The following RANBP3L variants were observed in gnomAD, a reference collection of about 807,000 sequenced individuals.
The protein encoded by RANBP3L is RAN binding protein 3 like, also known as ran-binding protein 3-like.
A neutral mutation model predicts 67.2 loss-of-function variants in RANBP3L; 56 were observed. The observed-to-expected ratio is 0.83, with a 90% CI of 0.67 to 1.04. The LOEUF (loss-of-function observed/expected upper bound fraction) is 1.04, where lower values mean the gene tolerates loss of function less well. Ranked by LOEUF, RANBP3L falls within the 50% of genes least tolerant of loss-of-function variation. The pLI is 0.00. For missense variants in RANBP3L, 496 were observed against 535.5 expected, an observed-to-expected ratio of 0.93 and a Z score of 0.73; for synonymous variants, 164 against 181.4, an observed-to-expected ratio of 0.90 and a Z score of 0.77.
chr5:36,292,389 A>G (rs1320956557), intron 1 of RANBP3L, among the ~76,000 whole-genome samples: 1 of 151,794 alleles, frequency 6.6e-6, no homozygotes, highest in Non-Finnish European at 1.5e-5. Flanking sequence ...TGCTGTGCAG[A>G]AGCTCTTGAG....
chr5:36,298,127 C>A (rs1479680019), intron 1 of RANBP3L, among the ~76,000 whole-genome samples: 1 of 151,638 alleles, frequency 6.6e-6, no homozygotes, highest in Non-Finnish European at 1.5e-5. Flanking sequence ...GGTGAAACCC[C>A]CGTCTCTACT....
At chr5:36,273,201 C>G (rs1750344464) in intron 1 of RANBP3L, among the ~76,000 whole-genome samples, 1 of 152,136 alleles carries the variant, frequency 6.6e-6, no homozygotes, top group African/African-American at 2.4e-5. Flanking sequence ...ATAAATGTGA[C>G]TCTTCTAAAC....
chr5:36,299,532 A>G (rs956008803), intron 1 of RANBP3L, among the ~76,000 whole-genome samples: 5 of 152,132 alleles, frequency 3.3e-5, no homozygotes, highest in Non-Finnish European at 7.4e-5. Context: ...ACATACCCCA[A>G]CACTGCTGAT....
intron 1 of RANBP3L, among the ~76,000 whole-genome samples, chr5:36,289,528 A>G (rs996525162): frequency 6.6e-6 from 1 of 152,138 alleles, no homozygotes; most frequent in Admixed American, 6.5e-5. Context: ...CAATTCATGA[A>G]TTTGGGATGT....
At chr5:36,255,834 A>C (rs1046727126) in intron 10 of RANBP3L, among the ~76,000 whole-genome samples, 3 of 152,032 alleles carry the variant, frequency 2.0e-5, no homozygotes, top group African/African-American at 7.2e-5. Flanking sequence ...TTTCCCATCT[A>C]CCAATTTCCA....
At chr5:36,266,224 C>T (rs1167286887) in intron 4 of RANBP3L, among the ~76,000 whole-genome samples, 3 of 151,992 alleles carry the variant, frequency 2.0e-5, no homozygotes, top group Non-Finnish European at 4.4e-5. Flanking sequence ...GCCCACACTC[C>T]CTGACTTTTT....
rs1749038673 is a variant in RANBP3L at position 36,257,090 on chromosome 5, A to G, written c.773-19T>C. 1 of 1,598,384 alleles carries G rather than the reference A, an allele frequency of 6.3e-7. No individual in the cohort carries two copies. The highest frequency in any genetic ancestry group is 8.5e-7 in the Non-Finnish European group (1 of 1,172,776). On this transcript the variant is annotated intron_variant, in intron 9 of 13. Coordinates refer to ENST00000296604, the MANE Select transcript of RANBP3L (RefSeq NM_145000.5). Reference sequence around the variant, plus strand: ...TCTGTTCCTAAGAGAAAATGGGGAAAAAACACTTAAAAGTCCCCATTTTCT... The same window carrying G: ...TCTGTTCCTAAGAGAAAATGGGGAAGAAACACTTAAAAGTCCCCATTTTCT...
chr5:36,257,336 G>A, intron 9 of RANBP3L, 118 bp downstream of exon 9: 1 of 449,968 alleles, frequency 2.2e-6, no homozygotes, highest in Non-Finnish European at 3.8e-6. Flanking sequence ...TGGATTATTG[G>A]TTTTTTAAAT....
At chr5:36,277,481 T>A (rs888721005) in intron 1 of RANBP3L, among the ~76,000 whole-genome samples, 3 of 130,672 alleles carry the variant, frequency 2.3e-5, no homozygotes, top group Non-Finnish European at 3.3e-5. Flanking sequence ...TGTGTGTGTG[T>A]GAACTATTAT....
chr5:36,251,418 C>G lies in RANBP3L; in HGVS notation c.1249G>C (p.Asp417His). The G allele has an allele frequency of 1.9e-6, 3 of 1,613,300 alleles. No individual in the cohort carries two copies. The highest frequency in any genetic ancestry group is 2.5e-6 in the Non-Finnish European group (3 of 1,179,482). The change falls in exon 13 of 14, where the codon GAT becomes CAT. Residue 417 changes from aspartate to histidine, a missense_variant. Transcript: ENST00000296604. ...VALQSFNKQR[D>H]VNQAESLSET... ...GACAGGCTTTCAGCTTGATTGACAT[C>G]TCTCTGCTTATTGAAGCTTTGAAGT...
chr5:36,294,305 A>C (rs1752030861), intron 1 of RANBP3L, among the ~76,000 whole-genome samples: 1 of 151,530 alleles, frequency 6.6e-6, no homozygotes. Flanking sequence ...TTTCTTTATT[A>C]GTCTTGCTAG....
chr5:36,259,875 A>G (rs16900022), intron 8 of RANBP3L, among the ~76,000 whole-genome samples: 2,522 of 152,290 alleles, frequency 0.017, 85 homozygotes, highest in African/African-American at 0.058. Context: ...TGTGGGGATC[A>G]GAGAAGCAGT....
At chr5:36,257,884 G>A (rs138133154) in intron 8 of RANBP3L, among the ~76,000 whole-genome samples, 2 of 152,186 alleles carry the variant, frequency 1.3e-5, no homozygotes, top group African/African-American at 4.8e-5. Context: ...TGATGCCCAG[G>A]AGGTACAAAA....
chr5:36,289,781 T>A (rs1389888426), intron 1 of RANBP3L, among the ~76,000 whole-genome samples: 1 of 152,092 alleles, frequency 6.6e-6, no homozygotes, highest in Non-Finnish European at 1.5e-5. Context: ...TTTGATAGAT[T>A]TCTCAGGATT....
intron 1 of RANBP3L, among the ~76,000 whole-genome samples, chr5:36,283,725 T>G (rs1751139464): frequency 6.6e-6 from 1 of 152,178 alleles, no homozygotes; most frequent in South Asian, 2.1e-4. Context: ...GAACAATTCC[T>G]TAAACAGGTC....
intron 2 of RANBP3L, among the ~76,000 whole-genome samples, chr5:36,270,595 A>G (rs1027124044): frequency 6.6e-6 from 1 of 152,164 alleles, no homozygotes; most frequent in African/African-American, 2.4e-5. Flanking sequence ...GGCTCAAGCA[A>G]TCCTCTTGTC....
At chr5:36,296,285 A>G (rs558363841) in intron 1 of RANBP3L, among the ~76,000 whole-genome samples, 3 of 152,124 alleles carry the variant, frequency 2.0e-5, no homozygotes, top group Non-Finnish European at 4.4e-5. Context: ...GGGACACCTG[A>G]AATTTGTTGT....
chr5:36,293,475 G>T (rs1350195124), intron 1 of RANBP3L, among the ~76,000 whole-genome samples: 2 of 151,922 alleles, frequency 1.3e-5, no homozygotes, highest in African/African-American at 2.4e-5. Context: ...TCCCTGTCTT[G>T]TGCCAGTCTT....
chr5:36,287,124 G>A (rs1025543989), intron 1 of RANBP3L, among the ~76,000 whole-genome samples: 6 of 152,058 alleles, frequency 3.9e-5, no homozygotes, highest in Non-Finnish European at 5.9e-5. Context: ...TAAAGAGCAC[G>A]CAACCTAGAT....
Sources: allele counts gnomAD v4.1 joint callset (sites outside exome capture counted in the v4.1 genomes callset), GRCh38; gene constraint gnomAD v4.1.1; transcripts MANE v1.5; gene names NCBI Gene and HGNC (gene_info 2026-07-23, HGNC 2026-07-21).